MAGI2: variants seen among roughly 807,000 people sequenced by gnomAD.
MAGI2 encodes the protein membrane-associated guanylate kinase, WW and PDZ domain-containing protein 2.
In MAGI2, 35 loss-of-function variants were observed where a neutral mutation model predicts 133.3. The observed-to-expected ratio is 0.26, with a 90% CI of 0.20 to 0.35. MAGI2 has a LOEUF of 0.35. Ranked by LOEUF, MAGI2 falls within the 10% of genes least tolerant of loss-of-function variation. MAGI2 has a pLI of 1.00. For missense variants in MAGI2, 1,636 were observed against 1,863.4 expected (o/e 0.88, Z 2.25); for synonymous variants, 729 against 710.6 (o/e 1.03, Z -0.41).
At chr7:78,827,923 C>A (rs756381262) in intron 2 of MAGI2, among the ~76,000 whole-genome samples, 5 of 152,176 alleles carry the variant, frequency 3.3e-5, no homozygotes, top group African/African-American at 1.2e-4. Flanking sequence ...CTCACTCTTT[C>A]ACCCAGGCTG....
At chr7:79,242,590 T>G (rs1300928554) in intron 1 of MAGI2, among the ~76,000 whole-genome samples, 1 of 152,228 alleles carries the variant, frequency 6.6e-6, no homozygotes, top group Non-Finnish European at 1.5e-5. Context: ...TACATTTTTA[T>G]GGCACTTGGA....
At chr7:78,422,093 C>T (rs1222837956) in intron 6 of MAGI2, among the ~76,000 whole-genome samples, 1 of 152,128 alleles carries the variant, frequency 6.6e-6, no homozygotes, top group Non-Finnish European at 1.5e-5. Context: ...TCCTGGTAGT[C>T]ATTGTAGTTT....
At chr7:78,245,540 C>G (rs1456562560) in intron 10 of MAGI2, among the ~76,000 whole-genome samples, 1 of 151,906 alleles carries the variant, frequency 6.6e-6, no homozygotes, top group Non-Finnish European at 1.5e-5. Flanking sequence ...TAGTGCACAT[C>G]AAAGGAGTGG....
chr7:79,322,897 T>G (rs1839304626), intron 1 of MAGI2, among the ~76,000 whole-genome samples: 1 of 152,164 alleles, frequency 6.6e-6, no homozygotes, highest in Non-Finnish European at 1.5e-5. Flanking sequence ...TTTGCCCAGG[T>G]TGGAGTGCAG....
At chr7:78,568,471 T>C (rs1260426535) in intron 3 of MAGI2, 1 of 152,254 alleles carries the variant, frequency 6.6e-6, no homozygotes, top group East Asian at 1.9e-4. Context: ...CCCTAAATAG[T>C]AACTTTATTC....
rs1194934037 is a variant in MAGI2 at position 78,796,345 on chromosome 7, A to G, written c.419-169106T>C. 3.3e-5 allele frequency among the ~76,000 whole-genome samples: 5 copies of G among 152,298 alleles called. No individual in the cohort carries two copies. In the East Asian group the frequency reaches 7.7e-4, roughly 24 times the overall value. ...CAAAAGACCTGAATAGACATTTCTCAAAAGAGACATACAAATGGCCAACAG... is the reference window on the plus strand; with the variant it reads ...CAAAAGACCTGAATAGACATTTCTCGAAAGAGACATACAAATGGCCAACAG... On this transcript the variant is annotated intron_variant, in intron 2 of 21. Transcript: ENST00000354212.
At chr7:78,270,985 A>T (rs1361946828) in intron 9 of MAGI2, among the ~76,000 whole-genome samples, 1 of 152,162 alleles carries the variant, frequency 6.6e-6, no homozygotes, top group Non-Finnish European at 1.5e-5. Context: ...CCCTGGCCAG[A>T]ACTTCCAACA....
At chr7:79,406,543 G>T (rs1845819256) in intron 1 of MAGI2, among the ~76,000 whole-genome samples, 1 of 152,082 alleles carries the variant, frequency 6.6e-6, no homozygotes, top group Non-Finnish European at 1.5e-5. Flanking sequence ...CTCTTCAAAG[G>T]TTGGGAGGCT....
At chr7:78,385,854 C>A (rs1795336802) in intron 6 of MAGI2, among the ~76,000 whole-genome samples, 1 of 152,152 alleles carries the variant, frequency 6.6e-6, no homozygotes, top group South Asian at 2.1e-4. Flanking sequence ...TAAAAAGCAA[C>A]AAAGTATCTA....
intron 6 of MAGI2, among the ~76,000 whole-genome samples, chr7:78,447,507 T>A (rs1237986158): frequency 1.3e-5 from 2 of 152,060 alleles, no homozygotes; most frequent in Non-Finnish European, 2.9e-5. Flanking sequence ...TGACACATGA[T>A]AACTGTTCAG....
At chr7:79,215,032 A>G (rs1460395318) in intron 1 of MAGI2, among the ~76,000 whole-genome samples, 2 of 151,524 alleles carry the variant, frequency 1.3e-5, no homozygotes, top group Non-Finnish European at 2.9e-5. Context: ...AAGCCTCCCA[A>G]TCAATTGAAT....
chr7:78,652,660 A>G lies in MAGI2; in HGVS notation c.419-25421T>C, dbSNP rs567009578. The stretch of plus-strand genomic sequence containing the variant: ...AACTTAAGTTTAAAGACTTAAACCT[A>G]AGACCTAAAACCATGAAAACCGTAG... On this transcript the variant is annotated intron_variant, in intron 2 of 21. Coordinates refer to ENST00000354212, the MANE Select transcript of MAGI2 (RefSeq NM_012301.4). 4.6e-5 allele frequency among the ~76,000 whole-genome samples: 7 copies of G among 152,234 alleles called. No individual in the cohort carries two copies. In the South Asian group the frequency reaches 1.2e-3, roughly 27 times the overall value.
At chr7:78,192,950 C>T (rs543290349) in intron 12 of MAGI2, among the ~76,000 whole-genome samples, 2 of 151,866 alleles carry the variant, frequency 1.3e-5, no homozygotes, top group Admixed American at 6.6e-5. Flanking sequence ...AGGGAAAGGG[C>T]GATGAAGAGC....
In MAGI2 at chr7:78,501,807, C is replaced by T. The variant is rs374393730; in HGVS notation, c.755-20G>A. 61 of 1,596,678 alleles carry T rather than the reference C, an allele frequency of 3.8e-5. No individual in the cohort carries two copies. Among genetic ancestry groups the T allele is most frequent in the Middle Eastern group, 2.1e-4 (1 of 4,722 alleles). ...TGGATTCTATAAGAGAACAAGAGCACGTGGTTAGTCACTCCAACCATGGTA... is the reference window on the plus strand; with the variant it reads ...TGGATTCTATAAGAGAACAAGAGCATGTGGTTAGTCACTCCAACCATGGTA... On this transcript the variant is annotated intron_variant, in intron 4 of 21. Transcript: ENST00000354212.
intron 9 of MAGI2, among the ~76,000 whole-genome samples, chr7:78,283,275 T>C (rs1243862629): frequency 6.6e-6 from 1 of 152,150 alleles, no homozygotes; most frequent in Non-Finnish European, 1.5e-5. Context: ...TTCTAGGCCT[T>C]CTTCAATAAA....
chr7:79,096,147 C>T (rs1306415387), intron 1 of MAGI2, among the ~76,000 whole-genome samples: 3 of 152,030 alleles, frequency 2.0e-5, no homozygotes, highest in Non-Finnish European at 4.4e-5. Context: ...TGCTGGGAGG[C>T]ATTGCTGGGA....
intron 21 of MAGI2, among the ~76,000 whole-genome samples, chr7:78,077,643 G>A (rs1029655049): frequency 1.5e-5 from 2 of 129,234 alleles, no homozygotes; most frequent in African/African-American, 3.0e-5. Flanking sequence ...GTATAGATCT[G>A]CCCTGCTAAG....
intron 2 of MAGI2, among the ~76,000 whole-genome samples, chr7:78,836,275 G>A (rs1296614829): frequency 6.6e-6 from 1 of 152,128 alleles, no homozygotes; most frequent in Non-Finnish European, 1.5e-5. Context: ...AGGAGACAAG[G>A]TAGTTCAAAA....
chr7:79,221,293 C>T lies in MAGI2; in HGVS notation c.302-214087G>A, dbSNP rs541041971. On this transcript the variant is annotated intron_variant, in intron 1 of 21. Coordinates refer to ENST00000354212, the MANE Select transcript of MAGI2 (RefSeq NM_012301.4). ...TTATAAGAAATGTGGATTGTTATTCCGTGTTCTACAACCACATCCAGGAAG... is the reference window on the plus strand; with the variant it reads ...TTATAAGAAATGTGGATTGTTATTCTGTGTTCTACAACCACATCCAGGAAG... 2.0e-5 allele frequency among the ~76,000 whole-genome samples: 3 copies of T among 151,996 alleles called. No individual in the cohort carries two copies. In the South Asian group the frequency reaches 6.2e-4, roughly 32 times the overall value.
Sources: gnomAD v4.1 joint callset for allele counts (sites outside exome capture counted in the v4.1 genomes callset) on GRCh38, gnomAD v4.1.1 for gene constraint, MANE v1.5 for transcripts, NCBI Gene and HGNC (gene_info 2026-07-23, HGNC 2026-07-21) for gene names.